Variants in LDHC observed in about 807,000 individuals in gnomAD.
LDHC encodes L-lactate dehydrogenase C chain.
In LDHC, 20 loss-of-function variants were observed where a neutral mutation model predicts 30.2. That is an observed-to-expected ratio of 0.66 (90% CI 0.47 to 0.96). The LOEUF (loss-of-function observed/expected upper bound fraction) is 0.96. LDHC is among the 40% of genes least tolerant of loss of function. The pLI is 0.00. For synonymous variants in LDHC, 139 were observed against 132.7 expected (o/e 1.05, Z -0.32); for missense variants, 362 against 394.9 (o/e 0.92, Z 0.71).
At chr11:18,440,266 A>G (rs1012476308) in intron 6 of LDHC, among the ~76,000 whole-genome samples, 1 of 152,000 alleles carries the variant, frequency 6.6e-6, no homozygotes, top group African/African-American at 2.4e-5. Context: ...GTGAGCCAAG[A>G]TCACACCAGT....
At chr11:18,421,125 C>T (rs1345104484) in intron 3 of LDHC, among the ~76,000 whole-genome samples, 2 of 152,114 alleles carry the variant, frequency 1.3e-5, no homozygotes, top group African/African-American at 2.4e-5. Flanking sequence ...GTGATCTCAG[C>T]TCTCTGCACC....
intron 3 of LDHC, among the ~76,000 whole-genome samples, chr11:18,416,111 T>G (rs1867018801): frequency 6.6e-6 from 1 of 152,254 alleles, no homozygotes; most frequent in South Asian, 2.1e-4. Context: ...AATGACTTTA[T>G]GTAGGTTTTC....
intron 3 of LDHC, among the ~76,000 whole-genome samples, chr11:18,421,179 G>A (rs141042178): frequency 1.3e-5 from 2 of 151,992 alleles, no homozygotes; most frequent in African/African-American, 4.8e-5. Flanking sequence ...TCAGCCTCTC[G>A]AGTAGCTGAA....
intron 3 of LDHC, among the ~76,000 whole-genome samples, chr11:18,418,564 G>C (rs1867064480): frequency 6.6e-6 from 1 of 151,718 alleles, no homozygotes; most frequent in South Asian, 2.1e-4. Context: ...CAAGCAGCTG[G>C]GATTACAGGT....
intron 3 of LDHC, among the ~76,000 whole-genome samples, chr11:18,428,403 G>T (rs1022048145): frequency 4.0e-5 from 6 of 151,362 alleles, no homozygotes; most frequent in Non-Finnish European, 7.4e-5. Context: ...CAAGTGATCC[G>T]CCAGCCTCAG....
intron 3 of LDHC, among the ~76,000 whole-genome samples, chr11:18,428,282 C>T (rs1300995854): frequency 6.8e-6 from 1 of 147,946 alleles, no homozygotes; most frequent in Non-Finnish European, 1.5e-5. Context: ...AGCCATTCTC[C>T]TGCCTCAGCC....
At chr11:18,419,427 T>G (rs1867079999) in intron 3 of LDHC, among the ~76,000 whole-genome samples, 2 of 152,162 alleles carry the variant, frequency 1.3e-5, no homozygotes, top group Admixed American at 1.3e-4. Context: ...GACACTTTAG[T>G]GGGGGAATAT....
At chr11:18,419,300 G>A (rs1867077537) in intron 3 of LDHC, among the ~76,000 whole-genome samples, 1 of 152,158 alleles carries the variant, frequency 6.6e-6, no homozygotes. Flanking sequence ...ACCAGATATC[G>A]CTTGTCTGCC....
chr11:18,416,783 C>T (rs11024649), intron 3 of LDHC, among the ~76,000 whole-genome samples: 8,080 of 151,232 alleles, frequency 0.053, 740 homozygotes, highest in African/African-American at 0.19. Flanking sequence ...CCCCTTTCCC[C>T]CTCTGATCCT....
At chr11:18,441,477 T>A (rs577375322) in intron 6 of LDHC, among the ~76,000 whole-genome samples, 1 of 151,982 alleles carries the variant, frequency 6.6e-6, no homozygotes, top group African/African-American at 2.4e-5. Flanking sequence ...CTCAGCTAAT[T>A]TTTGTATTTT....
rs1025166995 is a variant in LDHC, at chr11:18,435,268, C to T, written c.592+355C>T. Reference sequence around the variant, plus strand: ...CCCAAATCTCATGTTGAATTGTAATCCCCAGTGTGGGAGCTGGGGCCTGGT... The same window carrying T: ...CCCAAATCTCATGTTGAATTGTAATTCCCAGTGTGGGAGCTGGGGCCTGGT... On this transcript the variant is annotated intron_variant, in intron 5 of 7. Transcript: ENST00000541669. Among the ~76,000 whole-genome samples, 10 of 151,934 alleles carry T rather than the reference C, an allele frequency of 6.6e-5. No homozygotes were observed. In the East Asian group the frequency reaches 1.7e-3, roughly 26 times the overall value.
intron 3 of LDHC, among the ~76,000 whole-genome samples, chr11:18,429,114 GTCTTT>G (rs1848217599): frequency 1.0e-5 from 1 of 97,364 alleles, no homozygotes; most frequent in Non-Finnish European, 2.2e-5. Context: ...ATTCATTTTG[GTCTTT>G]TTTTTTTTTT....
chr11:18,436,481 G>GATTTTTTTTT (rs762530928), intron 5 of LDHC, among the ~76,000 whole-genome samples: 2 of 108,186 alleles, frequency 1.8e-5, no homozygotes, highest in African/African-American at 3.6e-5. Context: ...ATAATACAAA[G>GATTTTTTTTT]TTTTTTTTTT....
chr11:18,415,075 C>T (rs143493990), intron 2 of LDHC, 109 bp from the exon 3 acceptor site: 6,145 of 590,270 alleles, frequency 0.01, 56 homozygotes, highest in Non-Finnish European at 0.014. Flanking sequence ...TCATTTTTCC[C>T]TATTAAAATA....
intron 6 of LDHC, among the ~76,000 whole-genome samples, chr11:18,444,607 T>TATATATAA (rs1848520787): frequency 7.7e-5 from 1 of 13,062 alleles, no homozygotes; most frequent in Admixed American, 7.5e-4. Context: ...TCAGGTGGTA[T>TATATATAA]ATATATATAT....
intron 3 of LDHC, among the ~76,000 whole-genome samples, chr11:18,427,416 G>A (rs2698557): frequency 6.6e-6 from 1 of 152,212 alleles, no homozygotes; most frequent in South Asian, 2.1e-4. Context: ...TGATCTTGTA[G>A]ATGAGGAAGT....
At chr11:18,448,690 C>T (rs1848597991) in intron 7 of LDHC, among the ~76,000 whole-genome samples, 1 of 151,548 alleles carries the variant, frequency 6.6e-6, no homozygotes, top group Non-Finnish European at 1.5e-5. Flanking sequence ...TACTACTTCA[C>T]ATTTTCACCA....
At chr11:18,414,029 T>C (rs1866957525) in intron 2 of LDHC, among the ~76,000 whole-genome samples, 1 of 152,138 alleles carries the variant, frequency 6.6e-6, no homozygotes, top group East Asian at 1.9e-4. Context: ...CTCTGTTGGC[T>C]TAATTCGTAG....
intron 3 of LDHC, among the ~76,000 whole-genome samples, chr11:18,424,004 T>C (rs182262215): frequency 5.4e-5 from 5 of 92,646 alleles, no homozygotes; most frequent in African/African-American, 9.3e-5. Flanking sequence ...ACTAGATTGG[T>C]AGAAGTGTGA....
Sources: gnomAD v4.1 joint callset for allele counts (sites outside exome capture counted in the v4.1 genomes callset) on GRCh38, gnomAD v4.1.1 for gene constraint, MANE v1.5 for transcripts, NCBI Gene and HGNC (gene_info 2026-07-23, HGNC 2026-07-21) for gene names.